The following SUV39H2 variants were observed in gnomAD, a reference collection of about 807,000 sequenced individuals.
SUV39H2 encodes histone-lysine N-methyltransferase SUV39H2.
In SUV39H2, 10 loss-of-function variants were observed where a neutral mutation model predicts 47.5. The observed-to-expected ratio is 0.21, with a 90% CI of 0.13 to 0.36. SUV39H2 has a LOEUF of 0.36. Ranked by LOEUF, SUV39H2 falls within the 10% of genes least tolerant of loss-of-function variation. SUV39H2 has a pLI of 1.00. For missense variants in SUV39H2, 266 were observed against 487.4 expected, an observed-to-expected ratio of 0.55 and a Z score of 4.28; for synonymous variants, 159 against 166.8, an observed-to-expected ratio of 0.95 and a Z score of 0.36.
chr10:14,899,138 A>C (rs1322286079), intron 3 of SUV39H2: 1 of 683,638 alleles, frequency 1.5e-6, no homozygotes, highest in South Asian at 1.6e-5. Flanking sequence ...TGGGCAACAT[A>C]GTGAGACCCC....
Position 14,900,511 on chromosome 10 carries a change from A to G in SUV39H2, c.997-622A>G, listed in dbSNP as rs192405126. 2.0e-4 allele frequency among the ~76,000 whole-genome samples: 31 copies of G among 152,204 alleles called. 1 individual carries two copies. Among genetic ancestry groups the G allele is most frequent in the Admixed American group, 1.2e-3 (19 of 15,288 alleles). ...TTGTTTGTTGATTAAACATTGAAGA[A>G]TTTTTTTCTTAATGATAAATTCGAG... is the stretch of plus-strand genomic sequence containing the variant. On this transcript the variant is annotated intron_variant, in intron 4 of 5. Coordinates refer to ENST00000354919, the MANE Select transcript of SUV39H2 (RefSeq NM_001193424.2).
chr10:14,880,595 A>G (rs1480796977), intron 1 of SUV39H2, among the ~76,000 whole-genome samples: 1 of 152,218 alleles, frequency 6.6e-6, no homozygotes, highest in African/African-American at 2.4e-5. Flanking sequence ...CCATGACACT[A>G]GCCCTAACAA....
intron 4 of SUV39H2, among the ~76,000 whole-genome samples, chr10:14,900,759 T>A (rs372507626): frequency 1.5e-4 from 23 of 152,196 alleles, no homozygotes; most frequent in African/African-American, 5.1e-4. Flanking sequence ...GTTCTAGTTA[T>A]TTTAAAGTGT....
intron 4 of SUV39H2, among the ~76,000 whole-genome samples, 183 bp downstream of exon 4, chr10:14,899,868 T>G (rs956302895): frequency 1.3e-5 from 2 of 152,216 alleles, no homozygotes; most frequent in Admixed American, 6.5e-5. Flanking sequence ...AATTAAACAT[T>G]GAGGTGCCTA....
At chr10:14,882,101 G>A (rs919961684) in intron 2 of SUV39H2, among the ~76,000 whole-genome samples, 11 of 152,200 alleles carry the variant, frequency 7.2e-5, no homozygotes, top group Admixed American at 3.3e-4. Context: ...GAATGGCCTG[G>A]ATTGCAAAGT....
chr10:14,896,993 G>A lies in SUV39H2; in HGVS notation c.325G>A (p.Ala109Thr), dbSNP rs758057876. Residue 109 changes from alanine to threonine, a missense_variant, in exon 3 of 6, where the codon GCA (alanine) becomes ACA (threonine). Ala to Thr is a moderately conservative substitution (Grantham distance 58). Coordinates refer to ENST00000354919, the MANE Select transcript of SUV39H2 (RefSeq NM_001193424.2). ...TTTATCTCAGGTAAAGAAAGGCAAA[G>A]CAATAACTCCAAAAGACAATAACAA... Reference protein sequence around the residue: ...NYLSQVKKGKAITPKDNNKTL... With the variant: ...NYLSQVKKGKTITPKDNNKTL... The A allele has an allele frequency of 6.2e-7, 1 of 1,614,056 alleles. No individual in the cohort carries two copies. Among genetic ancestry groups the A allele is most frequent in the Non-Finnish European group, 8.5e-7 (1 of 1,180,006 alleles).
At chr10:14,893,028 G>A (rs1410341575) in intron 2 of SUV39H2, among the ~76,000 whole-genome samples, 13 of 133,220 alleles carry the variant, frequency 9.8e-5, no homozygotes, top group Middle Eastern at 4.1e-3. Context: ...TTTTTGAGAC[G>A]GAGTCTCGCT....
intron 2 of SUV39H2, among the ~76,000 whole-genome samples, chr10:14,885,191 C>T (rs1044677004): frequency 1.3e-5 from 2 of 152,122 alleles, no homozygotes; most frequent in African/African-American, 4.8e-5. Flanking sequence ...CTTTCTGAGG[C>T]CTTGAGCCCT....
At chr10:14,882,393 A>G (rs570976520) in intron 2 of SUV39H2, among the ~76,000 whole-genome samples, 5 of 152,250 alleles carry the variant, frequency 3.3e-5, no homozygotes, top group African/African-American at 1.2e-4. Flanking sequence ...ACTAAATCCC[A>G]TTCTTTCAAG....
intron 3 of SUV39H2, 175 bp downstream of exon 3, chr10:14,897,692 A>G: frequency 2.0e-6 from 1 of 488,072 alleles, no homozygotes; most frequent in South Asian, 1.0e-4. Flanking sequence ...AGAAATAAAA[A>G]ACTTTTATAT....
intron 1 of SUV39H2, among the ~76,000 whole-genome samples, chr10:14,880,345 C>G (rs1833006473): frequency 6.6e-6 from 1 of 152,192 alleles, no homozygotes; most frequent in South Asian, 2.1e-4. Flanking sequence ...GTTATTGCCA[C>G]TAACAAGTGT....
At chr10:14,882,533 G>C (rs1416367001) in intron 2 of SUV39H2, among the ~76,000 whole-genome samples, 1 of 152,194 alleles carries the variant, frequency 6.6e-6, no homozygotes, top group Non-Finnish European at 1.5e-5. Context: ...GCTATGGACT[G>C]ACCAGTCCAG....
At chr10:14,879,552 G>A (rs888976444) in intron 1 of SUV39H2, among the ~76,000 whole-genome samples, 4 of 152,232 alleles carry the variant, frequency 2.6e-5, no homozygotes, top group Admixed American at 2.0e-4. Context: ...TTCACCCACC[G>A]GGAGCTTGGT....
chr10:14,896,518 A>G (rs1833621914), intron 2 of SUV39H2, among the ~76,000 whole-genome samples: 1 of 152,200 alleles, frequency 6.6e-6, no homozygotes, highest in Non-Finnish European at 1.5e-5. Flanking sequence ...TCCATGATCA[A>G]AATAAATACA....
chr10:14,880,354 G>A (rs1833006806), intron 1 of SUV39H2, among the ~76,000 whole-genome samples: 3 of 152,188 alleles, frequency 2.0e-5, no homozygotes, highest in Admixed American at 2.0e-4. Flanking sequence ...ACTAACAAGT[G>A]TTCTCCCTTC....
chr10:14,902,773 G>A lies in SUV39H2; in HGVS notation c.*261G>A. On this transcript the variant is annotated 3_prime_UTR_variant, in exon 6 of 6. Coordinates refer to ENST00000354919, the MANE Select transcript of SUV39H2 (RefSeq NM_001193424.2). ...GCAGACTATTTACAGCTTAGTATATGTGTACTTAAGTCTATGTGAACAGAG... is the reference window on the plus strand; with the variant it reads ...GCAGACTATTTACAGCTTAGTATATATGTACTTAAGTCTATGTGAACAGAG... 1 of 233,348 alleles carries A rather than the reference G, an allele frequency of 4.3e-6. No homozygotes were observed. The highest frequency in any genetic ancestry group is 8.4e-6 in the Non-Finnish European group (1 of 118,800). 14.5% of individuals were successfully genotyped at this position (233,348 alleles called of 1,614,324 possible). A position where few individuals can be genotyped will look rare whatever the true frequency, so the allele number is the denominator to read the frequency against.
chr10:14,878,964 A>G, intron 1 of SUV39H2, 45 bp downstream of exon 1: 1 of 1,414,968 alleles, frequency 7.1e-7, no homozygotes, highest in Non-Finnish European at 9.3e-7. Flanking sequence ...TTCCCAGGCA[A>G]GCTCCCAAGG....
chr10:14,897,599 G>A, intron 3 of SUV39H2, 82 bp downstream of exon 3: 16 of 1,179,680 alleles, frequency 1.4e-5, no homozygotes, highest in Non-Finnish European at 1.8e-5. Context: ...CTCTTTAAGA[G>A]ATACTTGGTA....
At position 14,878,906 on chromosome 10, in the gene SUV39H2, C is replaced by T. The variant is rs1445105911; in HGVS notation, c.18C>T (p.Ala6=). 9 of 1,481,656 alleles carry T rather than the reference C, an allele frequency of 6.1e-6. No homozygotes were observed. Among genetic ancestry groups the T allele is most frequent in the East Asian group, 2.9e-5 (1 of 34,046 alleles). The allele number at this position is 1,481,656 out of a possible 1,614,324, so 91.8% of individuals were successfully genotyped here. A position where few individuals can be genotyped will look rare whatever the true frequency, so the allele number is the denominator to read the frequency against. MAAVG[A]EARGAWCVPC... ...TCTACAAGATGGCGGCGGTCGGGGC[C>T]GAGGCGCGAGGAGGTGAGGCTGGAG... The change falls in exon 1 of 6, where the codon GCC becomes GCT. Residue 6 remains alanine, a synonymous_variant. Coordinates refer to ENST00000354919, the MANE Select transcript of SUV39H2 (RefSeq NM_001193424.2).
Sources: allele counts gnomAD v4.1 joint callset (sites outside exome capture counted in the v4.1 genomes callset), GRCh38; gene constraint gnomAD v4.1.1; transcripts MANE v1.5; gene names NCBI Gene and HGNC (gene_info 2026-07-23, HGNC 2026-07-21).